CREM: variants seen among roughly 807,000 people sequenced by gnomAD.
CREM encodes the protein cAMP-responsive element modulator.
In CREM, 13 loss-of-function variants were observed where a neutral mutation model predicts 37.3. The observed-to-expected ratio is 0.35, with a 90% CI of 0.23 to 0.55. The LOEUF (loss-of-function observed/expected upper bound fraction) is 0.55. Ranked by LOEUF, CREM falls within the 20% of genes least tolerant of loss-of-function variation. CREM has a pLI of 0.88. For missense variants in CREM, 296 were observed against 362.3 expected, an observed-to-expected ratio of 0.82 and a Z score of 1.49; for synonymous variants, 124 against 120.2, an observed-to-expected ratio of 1.03 and a Z score of -0.21.
chr10:35,153,294 C>T (rs1219182578), intron 3 of CREM, among the ~76,000 whole-genome samples: 1 of 152,158 alleles, frequency 6.6e-6, no homozygotes, highest in Non-Finnish European at 1.5e-5. Flanking sequence ...CTTGCCTCAT[C>T]TATCTTCTTT....
At chr10:35,188,501 G>A in intron 6 of CREM, 113 bp downstream of exon 6, 2 of 874,478 alleles carry the variant, frequency 2.3e-6, no homozygotes, top group Non-Finnish European at 3.3e-6. Context: ...GTGGGGGGTT[G>A]GGAGGCACTT....
chr10:35,137,605 C>G (rs981800643), intron 1 of CREM, among the ~76,000 whole-genome samples, 177 bp from the exon 2 acceptor site: 4 of 151,780 alleles, frequency 2.6e-5, no homozygotes, highest in African/African-American at 9.7e-5. Context: ...TTTTAGCTTT[C>G]TAGTCTTTTG....
intron 6 of CREM, among the ~76,000 whole-genome samples, chr10:35,191,909 TC>T (rs1169172264): frequency 6.7e-6 from 1 of 149,452 alleles, no homozygotes; most frequent in Non-Finnish European, 1.5e-5. Context: ...AATCCACTCT[TC>T]CTATCTTCAG....
intron 6 of CREM, among the ~76,000 whole-genome samples, chr10:35,205,461 G>T (rs992087634): frequency 6.6e-6 from 1 of 152,146 alleles, no homozygotes; most frequent in African/African-American, 2.4e-5. Context: ...TGAAACTGCA[G>T]TGAGCTCAAT....
In CREM at chr10:35,146,994, C is replaced by T. The variant is rs566135906; in HGVS notation, c.45-1374C>T. On this transcript the variant is annotated intron_variant, in intron 2 of 7. Coordinates refer to ENST00000685392, the MANE Select transcript of CREM (RefSeq NM_183011.2). ...AAAAGAAACATTGTATTATTGACAG[C>T]TGAAAAGATGTGTAACAGCAGGGAG... Among the ~76,000 whole-genome samples, 3 of 147,872 alleles carry T rather than the reference C, an allele frequency of 2.0e-5. No individual in the cohort carries two copies. In the South Asian group the frequency reaches 6.4e-4, roughly 32 times the overall value.
chr10:35,162,053 G>C (rs1265695748), intron 3 of CREM, among the ~76,000 whole-genome samples: 2 of 152,184 alleles, frequency 1.3e-5, no homozygotes, highest in Non-Finnish European at 2.9e-5. Context: ...AATGGATAAA[G>C]AAAGTATGGT....
chr10:35,198,844 A>G (rs1293511782), intron 6 of CREM, among the ~76,000 whole-genome samples: 1 of 152,210 alleles, frequency 6.6e-6, no homozygotes, highest in Non-Finnish European at 1.5e-5. Flanking sequence ...GCTTAAAAAT[A>G]TTTACATAAA....
At chr10:35,179,420 A>G (rs1228706458) in intron 5 of CREM, 144 bp downstream of exon 5, 12 of 971,046 alleles carry the variant, frequency 1.2e-5, no homozygotes, top group Middle Eastern at 6.6e-4. Context: ...ATGAAAGTAT[A>G]TGTTAAAAAG....
At chr10:35,184,669 A>G (rs946589522) in intron 5 of CREM, among the ~76,000 whole-genome samples, 4 of 152,150 alleles carry the variant, frequency 2.6e-5, no homozygotes, top group Admixed American at 2.6e-4. Flanking sequence ...TTATATAATG[A>G]CTTCCCCAGA....
intron 5 of CREM, 65 bp downstream of exon 5, chr10:35,179,341 C>G (rs779658770): frequency 2.6e-6 from 4 of 1,556,156 alleles, no homozygotes; most frequent in Non-Finnish European, 3.5e-6. Flanking sequence ...TATATTGAAG[C>G]AACTCAGGTT....
intron 6 of CREM, chr10:35,195,212 C>T (rs1334319054): frequency 2.5e-6 from 4 of 1,613,858 alleles, no homozygotes; most frequent in Non-Finnish European, 3.4e-6. Flanking sequence ...GGAGATGACA[C>T]AGGTAAGAAT....
chr10:35,150,054 A>G (rs1313790057), intron 3 of CREM, among the ~76,000 whole-genome samples: 2 of 152,188 alleles, frequency 1.3e-5, no homozygotes, highest in African/African-American at 4.8e-5. Context: ...ATTTTGGTGT[A>G]GCTCCTTTAG....
chr10:35,206,237 G>A (rs2095518317), intron 6 of CREM, among the ~76,000 whole-genome samples: 1 of 148,236 alleles, frequency 6.7e-6, no homozygotes, highest in African/African-American at 2.5e-5. Context: ...GACAGAGCGA[G>A]ACTCCGTCTC....
At chr10:35,172,783 A>G (rs1419802033) in intron 3 of CREM, among the ~76,000 whole-genome samples, 1 of 152,170 alleles carries the variant, frequency 6.6e-6, no homozygotes, top group Non-Finnish European at 1.5e-5. Flanking sequence ...GCCAAGATGA[A>G]TTAGCTGCCT....
At chr10:35,177,924 T>G (rs1293069137) in intron 3 of CREM, among the ~76,000 whole-genome samples, 2 of 152,180 alleles carry the variant, frequency 1.3e-5, no homozygotes, top group African/African-American at 2.4e-5. Flanking sequence ...TCCTGTTGAT[T>G]GGGTGTGTGT....
chr10:35,183,989 G>A (rs540428431), intron 5 of CREM, among the ~76,000 whole-genome samples: 5 of 152,300 alleles, frequency 3.3e-5, no homozygotes, highest in African/African-American at 4.8e-5. Context: ...CAGGAGAATC[G>A]CTTGAACCCA....
At chr10:35,200,733 T>A (rs1054485179) in intron 6 of CREM, among the ~76,000 whole-genome samples, 4 of 152,282 alleles carry the variant, frequency 2.6e-5, no homozygotes, top group East Asian at 1.9e-4. Flanking sequence ...AAGTGTGACA[T>A]CTAAGTTAAC....
intron 3 of CREM, among the ~76,000 whole-genome samples, chr10:35,176,457 G>C (rs1192966796): frequency 6.7e-6 from 1 of 149,622 alleles, no homozygotes; most frequent in Non-Finnish European, 1.5e-5. Context: ...GCCCAGGCTG[G>C]AGGGCAGTGG....
chr10:35,175,279 T>C (rs2132924735), intron 3 of CREM, among the ~76,000 whole-genome samples: 1 of 152,262 alleles, frequency 6.6e-6, no homozygotes. Context: ...ACCCCGTCTC[T>C]ACTAAAAATA....
Sources: gnomAD v4.1 joint callset for allele counts (sites outside exome capture counted in the v4.1 genomes callset) on GRCh38, gnomAD v4.1.1 for gene constraint, MANE v1.5 for transcripts, NCBI Gene and HGNC (gene_info 2026-07-23, HGNC 2026-07-21) for gene names.